Variants in KAT2B observed in about 807,000 individuals in gnomAD.
The protein encoded by KAT2B is lysine acetyltransferase 2B, also known as histone acetyltransferase KAT2B.
Under a neutral mutation model 105.9 loss-of-function variants are expected in KAT2B, and 36 were observed. The ratio of observed to expected loss-of-function variants is 0.34; its 90% CI spans 0.26 to 0.45. KAT2B has a LOEUF of 0.45. Ranked by LOEUF, KAT2B falls within the 20% of genes least tolerant of loss-of-function variation. The probability of loss-of-function intolerance (pLI) is 1.00; values close to 1 mark genes in which losing one functional copy is unlikely to be tolerated. For missense variants in KAT2B, 820 were observed against 1,021.6 expected (o/e 0.80, Z 2.69); for synonymous variants, 397 against 377.9 (o/e 1.05, Z -0.59).
chr3:20,118,615 C>T (rs1229943311), intron 7 of KAT2B, among the ~76,000 whole-genome samples: 2 of 147,640 alleles, frequency 1.4e-5, no homozygotes, highest in African/African-American at 4.9e-5. Context: ...CTCAGCTACT[C>T]GGGAGGCTGA....
At chr3:20,135,892 TG>T (rs1323888563) in intron 11 of KAT2B, among the ~76,000 whole-genome samples, 11 of 152,232 alleles carry the variant, frequency 7.2e-5, no homozygotes, top group Non-Finnish European at 2.9e-5. Context: ...GACCAGATCT[TG>T]GGTGAACGTT....
At chr3:20,072,499 T>C (rs1382729049) in intron 2 of KAT2B, 40 bp downstream of exon 2, 2 of 1,592,848 alleles carry the variant, frequency 1.3e-6, no homozygotes, top group Admixed American at 1.7e-5. Flanking sequence ...AACGAGTTCA[T>C]TGTAGCGTGA....
intron 2 of KAT2B, among the ~76,000 whole-genome samples, chr3:20,078,189 T>A (rs1698453229): frequency 6.6e-6 from 1 of 151,388 alleles, no homozygotes; most frequent in Non-Finnish European, 1.5e-5. Context: ...CAAAAATAAA[T>A]AAATAAATAA....
chr3:20,101,301 T>C lies in KAT2B; in HGVS notation c.684T>C (p.Phe228=). The change falls in exon 5 of 18, where the codon TTT becomes TTC. Residue 228 remains phenylalanine, a synonymous_variant. Transcript: ENST00000263754. Reference sequence around the variant, plus strand: ...CTCTTTTTAAGGGTGTGAATAACTTTGTGCAGTACAAATTTAGTCACCTGC... The same window carrying C: ...CTCTTTTTAAGGGTGTGAATAACTTCGTGCAGTACAAATTTAGTCACCTGC... The part of the protein sequence containing the change: ...KPSIEQGVNN[F]VQYKFSHLPA... 6.2e-7 allele frequency: 1 copy of C among 1,614,016 alleles called. No homozygotes were observed.
Position 20,061,354 on chromosome 3 carries a change from G to A in KAT2B, c.304-10979G>A, listed in dbSNP as rs112703339. Among the ~76,000 whole-genome samples, 414 of 150,718 alleles carry A rather than the reference G, an allele frequency of 2.7e-3. 4 individuals are homozygous for A. Among genetic ancestry groups the A allele is most frequent in the African/African-American group, 9.8e-3 (396 of 40,258 alleles). Reference sequence around the variant, plus strand: ...ATAGCCCTTTGAATGTATATACTACGTTTTACTTATTTATTCATCTCTTAA... The same window carrying A: ...ATAGCCCTTTGAATGTATATACTACATTTTACTTATTTATTCATCTCTTAA... On this transcript the variant is annotated intron_variant, in intron 1 of 17. Transcript: ENST00000263754.
intron 6 of KAT2B, among the ~76,000 whole-genome samples, chr3:20,113,298 A>T (rs573690653): frequency 1.3e-5 from 2 of 152,338 alleles, no homozygotes; most frequent in East Asian, 3.9e-4. Flanking sequence ...TTATGTTTTC[A>T]GGTAATAGTT....
chr3:20,045,556 A>C (rs1697795134), intron 1 of KAT2B, among the ~76,000 whole-genome samples: 1 of 152,062 alleles, frequency 6.6e-6, no homozygotes, highest in Non-Finnish European at 1.5e-5. Flanking sequence ...CCCCAAGTGA[A>C]TGTATGAGTA....
chr3:20,059,721 CA>C (rs910789526), intron 1 of KAT2B, among the ~76,000 whole-genome samples: 2 of 151,782 alleles, frequency 1.3e-5, no homozygotes, highest in Admixed American at 1.3e-4. Flanking sequence ...AAAACAAAAA[CA>C]AAAAAAACTT....
rs531806244 is a variant in KAT2B, at chr3:20,066,681, A to G, written c.304-5652A>G. ...ATCCCAAAGTGCTGGGATTACAGGC[A>G]TGAGCCACCGCACCTGGCTGGGACA... is the stretch of plus-strand genomic sequence containing the variant. On this transcript the variant is annotated intron_variant, in intron 1 of 17. Transcript: ENST00000263754. Among the ~76,000 whole-genome samples the G allele has an allele frequency of 4.4e-4, 67 of 152,040 alleles. 1 individual carries two copies. Among genetic ancestry groups the G allele is most frequent in the African/African-American group, 1.6e-3 (67 of 41,458 alleles).
At chr3:20,119,836 T>G (rs1055833543) in intron 8 of KAT2B, 113 bp downstream of exon 8, 1 of 1,131,422 alleles carries the variant, frequency 8.8e-7, no homozygotes, top group African/African-American at 1.6e-5. Context: ...TGTCCAGGAT[T>G]TTAACAGCTA....
At chr3:20,065,474 T>A (rs1698207514) in intron 1 of KAT2B, among the ~76,000 whole-genome samples, 1 of 152,064 alleles carries the variant, frequency 6.6e-6, no homozygotes, top group Non-Finnish European at 1.5e-5. Flanking sequence ...AACATTGGAA[T>A]GGGGAGATGA....
intron 1 of KAT2B, among the ~76,000 whole-genome samples, chr3:20,042,733 T>C (rs1006908415): frequency 6.6e-6 from 1 of 152,164 alleles, no homozygotes; most frequent in Non-Finnish European, 1.5e-5. Flanking sequence ...CTGAAAACTT[T>C]CCTGAAGTTT....
chr3:20,146,327 A>G lies in KAT2B; in HGVS notation c.2016A>G (p.Lys672=), dbSNP rs2125196783. The G allele has an allele frequency of 6.2e-7, 1 of 1,600,886 alleles. No individual in the cohort carries two copies. Among genetic ancestry groups the G allele is most frequent in the Non-Finnish European group, 8.6e-7 (1 of 1,168,266 alleles). The change falls in exon 14 of 18, where the codon AAA becomes AAG. Residue 672 remains lysine, a synonymous_variant. Transcript: ENST00000263754. The stretch of plus-strand genomic sequence containing the variant: ...CCTGTGCTTTACAGATAATTAAAAA[A>G]CTGATTGAAAGAAAACAGGCACAAA... ...IIKKQKEIIK[K]LIERKQAQIR...
chr3:20,117,008 T>C (rs1351394081), intron 7 of KAT2B, among the ~76,000 whole-genome samples: 2 of 152,174 alleles, frequency 1.3e-5, no homozygotes, highest in Non-Finnish European at 2.9e-5. Flanking sequence ...AACAGTTTCC[T>C]CCCTCAGGCA....
At chr3:20,147,640 G>T (rs1241559603) in intron 14 of KAT2B, among the ~76,000 whole-genome samples, 1 of 152,096 alleles carries the variant, frequency 6.6e-6, no homozygotes, top group East Asian at 1.9e-4. Context: ...TCTTTTACAG[G>T]GTGATCAGCC....
chr3:20,094,176 A>G (rs1375779171), intron 2 of KAT2B, among the ~76,000 whole-genome samples: 1 of 152,124 alleles, frequency 6.6e-6, no homozygotes, highest in Non-Finnish European at 1.5e-5. Flanking sequence ...ACAGTTCTGC[A>G]TGGCTGGGGA....
intron 1 of KAT2B, 82 bp downstream of exon 1, chr3:20,040,862 T>TC: frequency 1.4e-6 from 2 of 1,385,654 alleles, no homozygotes; most frequent in South Asian, 1.4e-5. Context: ...CGCTTCCACC[T>TC]CCGCCTCCCG....
chr3:20,054,413 G>A (rs1318992122), intron 1 of KAT2B, among the ~76,000 whole-genome samples: 3 of 152,172 alleles, frequency 2.0e-5, no homozygotes, highest in African/African-American at 7.2e-5. Context: ...TTACAGATGT[G>A]AAGGAGATGG....
intron 13 of KAT2B, among the ~76,000 whole-genome samples, chr3:20,145,158 C>G (rs892946402): frequency 2.6e-5 from 4 of 152,076 alleles, no homozygotes; most frequent in African/African-American, 4.8e-5. Flanking sequence ...ACACTTTTTT[C>G]CAATTGTATG....
Sources: allele counts gnomAD v4.1 joint callset (sites outside exome capture counted in the v4.1 genomes callset), GRCh38; gene constraint gnomAD v4.1.1; transcripts MANE v1.5; gene names NCBI Gene and HGNC (gene_info 2026-07-23, HGNC 2026-07-21).